Variants in MICAL3 observed in about 807,000 individuals in gnomAD.
MICAL3 encodes microtubule associated monooxygenase, calponin and LIM domain containing 3.
MICAL3 carries 62 observed loss-of-function variants against 207.4 expected under a neutral mutation model. That is an observed-to-expected ratio of 0.30 (90% CI 0.24 to 0.37). The LOEUF is 0.37. Among genes scored for constraint, MICAL3 ranks in the 10% least tolerant of loss-of-function variants. The pLI, the probability that MICAL3 is intolerant of heterozygous loss-of-function variation, is 1.00. For missense variants in MICAL3, 2,368 were observed against 2,635.6 expected, an observed-to-expected ratio of 0.90 and a Z score of 2.22; for synonymous variants, 1,077 against 1,069.3, an observed-to-expected ratio of 1.01 and a Z score of -0.14.
intron 1 of MICAL3, among the ~76,000 whole-genome samples, chr22:17,979,879 G>A (rs1490133895): frequency 3.3e-5 from 5 of 151,962 alleles, no homozygotes; most frequent in Non-Finnish European, 7.4e-5. Flanking sequence ...CACCTAGGCC[G>A]GAGTACAGCA....
At chr22:17,843,570 T>G (rs972107551) in intron 19 of MICAL3, among the ~76,000 whole-genome samples, 1 of 152,214 alleles carries the variant, frequency 6.6e-6, no homozygotes, top group Non-Finnish European at 1.5e-5. Flanking sequence ...AGAGCCGTCA[T>G]GGACACCGAG....
rs998366326 is a variant in MICAL3, at chr22:17,875,436, G to T, written c.2242-3413C>A. On this transcript the variant is annotated intron_variant, in intron 16 of 31. Transcript: ENST00000441493. ...GAGGGCAGAGTTTTAGTGAGTCCTAGGCCATGCTACCTGTCGGAGGGAGTC... is the reference window on the plus strand; with the variant it reads ...GAGGGCAGAGTTTTAGTGAGTCCTATGCCATGCTACCTGTCGGAGGGAGTC... 18 of 1,535,758 alleles carry T rather than the reference G, an allele frequency of 1.2e-5. No individual in the cohort carries two copies. In the African/African-American group the frequency reaches 2.3e-4, roughly 20 times the overall value.
chr22:17,930,723 C>T (rs1933205245), intron 1 of MICAL3, among the ~76,000 whole-genome samples: 1 of 152,186 alleles, frequency 6.6e-6, no homozygotes, highest in South Asian at 2.1e-4. Flanking sequence ...TCTCCCAGGG[C>T]CCCCAGTTAG....
intron 1 of MICAL3, among the ~76,000 whole-genome samples, chr22:17,950,230 T>C (rs1934267940): frequency 6.6e-6 from 1 of 151,214 alleles, no homozygotes; most frequent in Non-Finnish European, 1.5e-5. Flanking sequence ...GGCGCTATCT[T>C]GGCTCACTGC....
intron 1 of MICAL3, among the ~76,000 whole-genome samples, chr22:18,001,678 C>G (rs994399622): frequency 5.9e-5 from 9 of 152,246 alleles, no homozygotes; most frequent in Non-Finnish European, 1.0e-4. Context: ...CAGAATCTCA[C>G]GGGATATGTG....
chr22:17,954,616 A>G (rs12158906), intron 1 of MICAL3, among the ~76,000 whole-genome samples: 36,447 of 152,166 alleles, frequency 0.24, 4,669 homozygotes, highest in Middle Eastern at 0.31. Context: ...GCTAATGTTT[A>G]GCCAGGCAAA....
Position 17,902,814 on chromosome 22 carries a change from C to A in MICAL3, c.473-67G>T. The A allele has an allele frequency of 1.0e-6, 1 of 976,570 alleles. No homozygotes were observed. The highest frequency in any genetic ancestry group is 1.6e-5 in the African/African-American group (1 of 62,098). The allele number at this position is 976,570 out of a possible 1,614,324, so 60.5% of individuals were successfully genotyped here. A position where few individuals can be genotyped will look rare whatever the true frequency, so the allele number is the denominator to read the frequency against. ...AAGGGGGTACCCATCCGTGTCGCAG[C>A]TCAGGCTCCCACCCCGCCACCTACG... is the stretch of plus-strand genomic sequence containing the variant. On this transcript the variant is annotated intron_variant, in intron 3 of 31. Transcript: ENST00000441493. The surrounding 1 kb of genome is among the most constrained non-coding windows in gnomAD (Gnocchi z 4.5).
intron 1 of MICAL3, among the ~76,000 whole-genome samples, chr22:17,971,561 A>ACATCTAGCATT (rs1222668712): frequency 2.6e-5 from 4 of 152,032 alleles, no homozygotes; most frequent in East Asian, 3.9e-4. Context: ...CATCTAGCAT[A>ACATCTAGCATT]CATCTAGCAT....
intron 19 of MICAL3, chr22:17,863,998 C>T: frequency 2.0e-6 from 2 of 985,526 alleles, no homozygotes; most frequent in Non-Finnish European, 2.4e-6. Context: ...GCCACAGTGA[C>T]CCTGGGCCGT....
intron 1 of MICAL3, among the ~76,000 whole-genome samples, chr22:17,959,176 C>A (rs572473860): frequency 6.6e-6 from 1 of 151,446 alleles, no homozygotes; most frequent in African/African-American, 2.4e-5. Flanking sequence ...CCACCACGCC[C>A]GGCTAATTTT....
chr22:18,016,079 G>T (rs1402692379), intron 1 of MICAL3, among the ~76,000 whole-genome samples: 3 of 152,064 alleles, frequency 2.0e-5, no homozygotes, highest in Non-Finnish European at 4.4e-5. Flanking sequence ...TAATTTTATG[G>T]CTTTTCCCAT....
intron 1 of MICAL3, chr22:17,983,085 T>G (rs1053618997): frequency 6.6e-6 from 1 of 152,234 alleles, no homozygotes; most frequent in African/African-American, 2.4e-5. Flanking sequence ...CTGTCTACTG[T>G]TTTTTCTTTT....
chr22:17,912,560 T>C (rs1314919921), intron 1 of MICAL3, among the ~76,000 whole-genome samples: 1 of 152,240 alleles, frequency 6.6e-6, no homozygotes, highest in African/African-American at 2.4e-5. Context: ...CCTTGGCTAA[T>C]TCCTAAGTGT....
chr22:17,821,601 A>G, intron 24 of MICAL3, 92 bp from the exon 25 acceptor site: 1 of 1,044,206 alleles, frequency 9.6e-7, no homozygotes, highest in East Asian at 2.8e-5. Flanking sequence ...GGTGGAGGGG[A>G]GGGTAGAGGG....
intron 1 of MICAL3, among the ~76,000 whole-genome samples, chr22:17,945,450 G>A (rs1934018817): frequency 6.6e-6 from 1 of 152,178 alleles, no homozygotes; most frequent in Non-Finnish European, 1.5e-5. Flanking sequence ...GGCCCTGTGG[G>A]AGTAGGAGAG....
rs996782858 is a variant in MICAL3, at chr22:17,790,657, C to T, written c.*75G>A. ...AAGGAGGTGCCAGGCCTCCTCAGAT[C>T]GCGGCTCCGGGTGGTTTGGATGCCA... On this transcript the variant is annotated 3_prime_UTR_variant, in exon 32 of 32. Coordinates refer to ENST00000441493, the MANE Select transcript of MICAL3 (RefSeq NM_015241.3). 59 of 1,369,862 alleles carry T rather than the reference C, an allele frequency of 4.3e-5. No individual in the cohort carries two copies. The highest frequency in any genetic ancestry group is 3.5e-4 in the East Asian group (14 of 39,852). The allele number at this position is 1,369,862 out of a possible 1,614,324, so 84.9% of individuals were successfully genotyped here.
chr22:17,824,313 G>A (rs74826570), intron 22 of MICAL3, among the ~76,000 whole-genome samples: 2,842 of 152,290 alleles, frequency 0.019, 61 homozygotes, highest in South Asian at 0.092. Context: ...ACAAGAGTCC[G>A]CACGGATCAA....
At chr22:17,881,186 A>T (rs755020191) in intron 16 of MICAL3, 43 of 1,583,626 alleles carry the variant, frequency 2.7e-5, no homozygotes, top group Non-Finnish European at 3.6e-5. Context: ...AGGAACATGG[A>T]GCATGCAGAG....
At chr22:17,871,382 AC>A (rs1400270432) in intron 17 of MICAL3, among the ~76,000 whole-genome samples, 1 of 152,230 alleles carries the variant, frequency 6.6e-6, no homozygotes, top group African/African-American at 2.4e-5. Context: ...AACACGGGCC[AC>A]CTTGCAGACA....
Sources: allele counts gnomAD v4.1 joint callset (sites outside exome capture counted in the v4.1 genomes callset), GRCh38; gene constraint gnomAD v4.1.1; non-coding constraint Gnocchi (gnomAD v3.1); transcripts MANE v1.5; gene names NCBI Gene and HGNC (gene_info 2026-07-23, HGNC 2026-07-21).